CAD: variants seen among roughly 807,000 people sequenced by gnomAD.
CAD encodes multifunctional protein CAD.
A neutral mutation model predicts 237.2 loss-of-function variants in CAD; 81 were observed. The ratio of observed to expected loss-of-function variants is 0.34; its 90% CI spans 0.29 to 0.41. The LOEUF is 0.41. Among genes scored for constraint, CAD ranks in the 10% least tolerant of loss-of-function variants. The pLI is 1.00. For synonymous variants in CAD, 1,196 were observed against 1,162.8 expected (o/e 1.03, Z -0.58); for missense variants, 2,181 against 2,951.7 (o/e 0.74, Z 6.05).
chr2:27,224,965 T>C, intron 10 of CAD, 45 bp from the exon 11 acceptor site: 2 of 1,606,390 alleles, frequency 1.2e-6, no homozygotes, highest in South Asian at 1.1e-5. Context: ...ATTGCCTCTC[T>C]ACCCACAAGG....
Position 27,226,300 on chromosome 2 carries a change from T to C in CAD, c.2012T>C (p.Leu671Ser), listed in dbSNP as rs747289290. 1 of 1,614,168 alleles carries C rather than the reference T, an allele frequency of 6.2e-7. No individual in the cohort carries two copies. The highest frequency in any genetic ancestry group is 1.1e-5 in the South Asian group (1 of 91,084). ...GGGGAGTGCAATGTGCAGTATGCCT[T>C]GAACCCTGAGTCTGAGCAGGTAAGC... is the stretch of plus-strand genomic sequence containing the variant. ...IVGECNVQYA[L>S]NPESEQYYII... Residue 671 changes from leucine to serine, a missense_variant, in exon 13 of 44, where the codon TTG (leucine) becomes TCG (serine). Leu to Ser is a moderately radical substitution (Grantham distance 145). Transcript: ENST00000264705.
Position 27,218,020 on chromosome 2 carries a change from G to T in CAD, c.222+4G>T. ...GGATGAGTTCGGTCTCTGCAAGGTA[G>T]CCACACCCAGTGCTTTCTCTACATT... On this transcript the variant is annotated splice_donor_region_variant and intron_variant, in intron 2 of 43. Coordinates refer to ENST00000264705, the MANE Select transcript of CAD (RefSeq NM_004341.5). 1.3e-6 allele frequency: 2 copies of T among 1,590,366 alleles called. No homozygotes were observed. Among genetic ancestry groups the T allele is most frequent in the Middle Eastern group, 1.7e-4 (1 of 5,974 alleles).
Position 27,236,004 on chromosome 2 carries a change from T to C in CAD, c.4075-280T>C. The C allele has an allele frequency of 1.9e-6, 1 of 526,728 alleles. No homozygotes were observed. The highest frequency in any genetic ancestry group is 3.4e-6 in the Non-Finnish European group (1 of 297,512). 32.6% of individuals were successfully genotyped at this position (526,728 alleles called of 1,614,324 possible). A position where few individuals can be genotyped will look rare whatever the true frequency, so the allele number is the denominator to read the frequency against. ...AGAGAAAAGTCTCTTAAAATCTCTG[T>C]ACCACTGTTCTGATATTTTTCCTTC... On this transcript the variant is annotated intron_variant, in intron 25 of 43. Transcript: ENST00000264705. This position sits in a 1 kb window ranked among gnomAD's most constrained non-coding sequence, Gnocchi z 4.1.
rs1675454274 is a variant in CAD at position 27,226,624 on chromosome 2, T to C, written c.2131T>C (p.Leu711=). ...GGCTTATGTGGCAGCCAAGCTAGCA[T>C]TGGGCATCCCTTTGCCTGAGCTCAG... ...PLAYVAAKLA[L]GIPLPELRNS... Residue 711 remains leucine (L), a synonymous_variant, in exon 14 of 44, where the codon TTG becomes CTG. Transcript: ENST00000264705. The C allele has an allele frequency of 1.9e-6, 3 of 1,614,032 alleles. No individual in the cohort carries two copies. The highest frequency in any genetic ancestry group is 1.3e-5 in the African/African-American group (1 of 74,904).
Position 27,235,909 on chromosome 2 carries a change from C to G in CAD, c.4074+269C>G. ...AAAACAAAGAATTATCTCCTATTCC[C>G]CTGCTTTTATTATTACCATTATACT... On this transcript the variant is annotated intron_variant, in intron 25 of 43. Coordinates refer to ENST00000264705, the MANE Select transcript of CAD (RefSeq NM_004341.5). The surrounding 1 kb of genome is among the most constrained non-coding windows in gnomAD (Gnocchi z 5.2). The G allele has an allele frequency of 2.1e-6, 1 of 486,738 alleles. No homozygotes were observed. Among genetic ancestry groups the G allele is most frequent in the Non-Finnish European group, 3.6e-6 (1 of 274,392 alleles). 30.2% of individuals were successfully genotyped at this position (486,738 alleles called of 1,614,324 possible).
chr2:27,222,338 T>C lies in CAD; in HGVS notation c.495+2T>C, dbSNP rs1471614201. 1.2e-6 allele frequency: 2 copies of C among 1,608,414 alleles called. No homozygotes were observed. Among genetic ancestry groups the C allele is most frequent in the Non-Finnish European group, 8.5e-7 (1 of 1,175,470 alleles). On this transcript the variant is annotated splice_donor_variant, in intron 4 of 43. Transcript: ENST00000264705. LOFTEE classifies it high-confidence loss of function. ...CTGGTACCAGAGGTCTCCATTAAGG[T>C]ACAGAGGTAGAGTGGGAGAGTGTTG... is the stretch of plus-strand genomic sequence containing the variant.
At position 27,243,293 on chromosome 2, in the gene CAD, G is replaced by A; in HGVS notation, c.6575+1G>A. 1 of 1,614,034 alleles carries A rather than the reference G, an allele frequency of 6.2e-7. No homozygotes were observed. Among genetic ancestry groups the A allele is most frequent in the Non-Finnish European group, 8.5e-7 (1 of 1,179,978 alleles). On this transcript the variant is annotated splice_donor_variant, in intron 43 of 43. Transcript: ENST00000264705. LOFTEE classifies it high-confidence loss of function. ...CGATGCCCCGTGTCAACGAGATAAG[G>A]TGGTGCAGCATCAGAGTCAGAGACT...
At position 27,228,271 on chromosome 2, in the gene CAD, ACT is replaced by A. The variant is rs112105163; in HGVS notation, c.2287+1312_2287+1313del. Among the ~76,000 whole-genome samples, 214 of 152,150 alleles carry A rather than the reference ACT, an allele frequency of 1.4e-3. 1 individual carries two copies. The highest frequency in any genetic ancestry group is 4.7e-3 in the African/African-American group (196 of 41,466). ...GTAAATAGAAATCTAGTTAAATGAGACTCTGTTTATGCCCACTTCTTAGAAGG... is the reference window on the plus strand; with the variant it reads ...GTAAATAGAAATCTAGTTAAATGAGACTGTTTATGCCCACTTCTTAGAAGG... On this transcript the variant is annotated intron_variant, in intron 15 of 43. Transcript: ENST00000264705.
Position 27,239,639 on chromosome 2 carries a change from C to T in CAD, c.5395-58C>T, listed in dbSNP as rs537564683. ...GCTTTTTGTCCTTGCTGACATCTAC[C>T]CCTTTAGGACCTGAGTTCTCTCTGC... On this transcript the variant is annotated intron_variant, in intron 33 of 43. Coordinates refer to ENST00000264705, the MANE Select transcript of CAD (RefSeq NM_004341.5). This position sits in a 1 kb window ranked among gnomAD's most constrained non-coding sequence, Gnocchi z 4.0. The T allele has an allele frequency of 2.3e-5, 34 of 1,488,454 alleles. No individual in the cohort carries two copies. In the East Asian group the frequency reaches 4.8e-4, roughly 21 times the overall value. 92.2% of individuals were successfully genotyped at this position (1,488,454 alleles called of 1,614,324 possible). A position where few individuals can be genotyped will look rare whatever the true frequency, so the allele number is the denominator to read the frequency against.
rs765130186 is a variant in CAD, at chr2:27,233,116, C to G, written c.2967C>G (p.Leu989=). Residue 989 remains leucine, a synonymous_variant, in exon 19 of 44, where the codon CTC becomes CTG. Coordinates refer to ENST00000264705, the MANE Select transcript of CAD (RefSeq NM_004341.5). The surrounding 1 kb of genome is among the most constrained non-coding windows in gnomAD (Gnocchi z 6.3). ...VSTDYDMCDR[L]YFDEISFEVV... is the part of the protein sequence containing the mutation. Reference sequence around the variant, plus strand: ...CCGACTATGACATGTGTGATCGACTCTACTTTGATGAGATCTCTTTTGAGG... The same window carrying G: ...CCGACTATGACATGTGTGATCGACTGTACTTTGATGAGATCTCTTTTGAGG... 6.2e-7 allele frequency: 1 copy of G among 1,613,342 alleles called. No homozygotes were observed. Among genetic ancestry groups the G allele is most frequent in the Admixed American group, 1.7e-5 (1 of 60,026 alleles).
rs1364323859 is a variant in CAD, at chr2:27,236,985, T to A, written c.4396+155T>A. Among the ~76,000 whole-genome samples the A allele has an allele frequency of 6.6e-6, 1 of 151,296 alleles. No individual in the cohort carries two copies. Among genetic ancestry groups the A allele is most frequent in the Non-Finnish European group, 1.5e-5 (1 of 67,934 alleles). On this transcript the variant is annotated intron_variant, in intron 27 of 43. Transcript: ENST00000264705. This position sits in a 1 kb window ranked among gnomAD's most constrained non-coding sequence, Gnocchi z 4.1. ...TGTTTCTCACTCTTTCATTCCTTAA[T>A]CCACAGTGTCCACAGTGGCCTTGTC...
chr2:27,226,711 T>C lies in CAD; in HGVS notation c.2156+62T>C, dbSNP rs1675458079. On this transcript the variant is annotated intron_variant, in intron 14 of 43. Coordinates refer to ENST00000264705, the MANE Select transcript of CAD (RefSeq NM_004341.5). Reference sequence around the variant, plus strand: ...GGTCGGGGGCTGAGGAAAATATTGATGGGACAGGGAATATGAAAAGGACAT... The same window carrying C: ...GGTCGGGGGCTGAGGAAAATATTGACGGGACAGGGAATATGAAAAGGACAT... 7 of 1,607,784 alleles carry C rather than the reference T, an allele frequency of 4.4e-6. No individual in the cohort carries two copies. The South Asian group carries it at 4.4e-5, about 10-fold the overall frequency.
In CAD at chr2:27,242,969, A is replaced by G; in HGVS notation, c.6476A>G (p.Glu2159Gly). 6.3e-7 allele frequency: 1 copy of G among 1,596,558 alleles called. No individual in the cohort carries two copies. ...KERFGSTQEY[E>G]ACFGQFILTP... ...CGATTTGGCTCTACCCAGGAGTACG[A>G]AGCTGTGAGTGCTGGGCTTGAGGAA... Residue 2159 changes from glutamate to glycine, a missense_variant, in exon 42 of 44, where the codon GAA becomes GGA. Glu to Gly is a moderately conservative substitution (Grantham distance 98). Around this residue, in one of 12 missense-constraint regions of CAD, gnomAD observed 170 missense variants for 212.1 expected, o/e 0.80. Coordinates refer to ENST00000264705, the MANE Select transcript of CAD (RefSeq NM_004341.5). The surrounding 1 kb of genome is among the most constrained non-coding windows in gnomAD (Gnocchi z 6.4).
chr2:27,217,660 C>T, intron 1 of CAD, 27 bp downstream of exon 1: 3 of 1,567,684 alleles, frequency 1.9e-6, no homozygotes, highest in Middle Eastern at 1.7e-4. Context: ...AGGCTGCAGA[C>T]CTTATCCCAC....
At chr2:27,231,411 C>T (rs962275661) in intron 15 of CAD, 57 bp from the exon 16 acceptor site, 4 of 972,018 alleles carry the variant, frequency 4.1e-6, no homozygotes, top group South Asian at 2.6e-5. Flanking sequence ...ATGGGCAGTG[C>T]CTTCTTCCCA....
intron 9 of CAD, 55 bp downstream of exon 9, chr2:27,224,545 G>A (rs542134787): frequency 3.1e-6 from 5 of 1,590,168 alleles, no homozygotes; most frequent in Admixed American, 1.7e-5. Context: ...GAATGGAAAG[G>A]GTCTTAAGGA....
In CAD at chr2:27,241,946, C is replaced by A; in HGVS notation, c.5919C>A (p.Ser1973Arg). The A allele has an allele frequency of 6.2e-7, 1 of 1,613,716 alleles. No homozygotes were observed. Among genetic ancestry groups the A allele is most frequent in the South Asian group, 1.1e-5 (1 of 91,084 alleles). The change falls in exon 39 of 44, where the codon AGC becomes AGA. Residue 1973 changes from serine to arginine, a missense_variant. Ser to Arg is a moderately radical substitution (Grantham distance 110, BLOSUM62 -1). Around this residue, in one of 12 missense-constraint regions of CAD, gnomAD observed 203 missense variants for 284.5 expected, o/e 0.71. Coordinates refer to ENST00000264705, the MANE Select transcript of CAD (RefSeq NM_004341.5). The surrounding 1 kb of genome is among the most constrained non-coding windows in gnomAD (Gnocchi z 4.6). ...KVMASMFYEV[S>R]TRTSSSFAAA... ...TGGCCTCCATGTTCTATGAAGTGAG[C>A]ACACGGACCAGCAGCTCCTTTGCAG...
intron 2 of CAD, among the ~76,000 whole-genome samples, chr2:27,218,809 C>G (rs190163678): frequency 6.6e-6 from 1 of 152,296 alleles, no homozygotes; most frequent in East Asian, 1.9e-4. Flanking sequence ...GTCAATCTGG[C>G]CTAGAGTAGT....
chr2:27,243,922 G>A lies in CAD; in HGVS notation c.*404G>A, dbSNP rs1676453967. On this transcript the variant is annotated 3_prime_UTR_variant, in exon 44 of 44. Coordinates refer to ENST00000264705, the MANE Select transcript of CAD (RefSeq NM_004341.5). The stretch of plus-strand genomic sequence containing the variant: ...GCATTTTCACACTCGTGACTCTTTG[G>A]GACTCGGCAGGAGCGTGTTAACTCT... The A allele has an allele frequency of 5.2e-6, 1 of 191,346 alleles. No individual in the cohort carries two copies. 11.9% of individuals were successfully genotyped at this position (191,346 alleles called of 1,614,324 possible).
Sources: gnomAD v4.1 joint callset for allele counts (sites outside exome capture counted in the v4.1 genomes callset) on GRCh38, gnomAD v4.1.1 for gene constraint, gnomAD v4.1.1 regional missense constraint, Gnocchi (gnomAD v3.1) non-coding constraint, MANE v1.5 for transcripts, NCBI Gene and HGNC (gene_info 2026-07-23, HGNC 2026-07-21) for gene names.